Variants in NEDD4L observed in about 807,000 individuals in gnomAD.
The protein encoded by NEDD4L is E3 ubiquitin-protein ligase NEDD4-like.
Under a neutral mutation model 148.9 loss-of-function variants are expected in NEDD4L, and 54 were observed. That is an observed-to-expected ratio of 0.36 (90% CI 0.29 to 0.45). The LOEUF (loss-of-function observed/expected upper bound fraction) is 0.45. Ranked by LOEUF, NEDD4L falls within the 20% of genes least tolerant of loss-of-function variation. NEDD4L has a pLI of 1.00. For missense variants in NEDD4L, 856 were observed against 1,233.8 expected, an observed-to-expected ratio of 0.69 and a Z score of 4.59; for synonymous variants, 433 against 440.7, an observed-to-expected ratio of 0.98 and a Z score of 0.22.
At position 58,360,124 on chromosome 18, in the gene NEDD4L, T is replaced by C. The variant is rs146190192; in HGVS notation, c.1767+2872T>C. 2.0e-4 allele frequency: 31 copies of C among 152,368 alleles called. 1 individual carries two copies. The highest frequency in any genetic ancestry group is 7.2e-4 in the African/African-American group (30 of 41,588). The allele number at this position is 152,368 out of a possible 1,614,324, so 9.4% of individuals were successfully genotyped here. A position where few individuals can be genotyped will look rare whatever the true frequency, so the allele number is the denominator to read the frequency against. On this transcript the variant is annotated intron_variant, in intron 19 of 30. Transcript: ENST00000400345. The stretch of plus-strand genomic sequence containing the variant: ...GGCTCTGTTCTCTAGTGATTTTGAA[T>C]TTTTATTTGTGTCTTAGATGTTTTA...
intron 3 of NEDD4L, among the ~76,000 whole-genome samples, chr18:58,245,846 A>ATTTTT (rs58940181): frequency 2.6e-4 from 24 of 91,520 alleles, no homozygotes; most frequent in South Asian, 4.0e-4. Context: ...ATGCCTGGCT[A>ATTTTT]TTTTTTTTTT....
rs925390639 is a variant in NEDD4L at position 58,378,487 on chromosome 18, G to A, written c.2353-4759G>A. On this transcript the variant is annotated intron_variant, in intron 24 of 30. Transcript: ENST00000400345. Reference sequence around the variant, plus strand: ...GGAGCTGGAGGTGGCTCCCAGGAGCGCTGAGGCCCCGGCCCCTTCAGGCCA... The same window carrying A: ...GGAGCTGGAGGTGGCTCCCAGGAGCACTGAGGCCCCGGCCCCTTCAGGCCA... Among the ~76,000 whole-genome samples the A allele has an allele frequency of 2.6e-5, 4 of 152,328 alleles. No individual in the cohort carries two copies. The South Asian group carries it at 6.2e-4, about 24-fold the overall frequency.
At chr18:58,312,004 G>T (rs2057755015) in intron 5 of NEDD4L, among the ~76,000 whole-genome samples, 1 of 152,230 alleles carries the variant, frequency 6.6e-6, no homozygotes. Context: ...TTTTAAATGG[G>T]AGGGTGGCAG....
At chr18:58,071,625 A>C (rs1280733224) in intron 1 of NEDD4L, among the ~76,000 whole-genome samples, 3 of 152,214 alleles carry the variant, frequency 2.0e-5, no homozygotes, top group Admixed American at 2.0e-4. Context: ...AGGGAAAAAG[A>C]AGGTATACTG....
intron 1 of NEDD4L, among the ~76,000 whole-genome samples, chr18:58,154,747 C>T (rs913805143): frequency 6.6e-6 from 1 of 152,212 alleles, no homozygotes; most frequent in African/African-American, 2.4e-5. Context: ...AAGATCATGC[C>T]GTTGCACTCC....
intron 5 of NEDD4L, among the ~76,000 whole-genome samples, chr18:58,279,570 G>A (rs988012859): frequency 6.6e-6 from 1 of 152,244 alleles, no homozygotes; most frequent in Non-Finnish European, 1.5e-5. Flanking sequence ...GAAGTGTGTT[G>A]AAGCAGGTAT....
intron 5 of NEDD4L, among the ~76,000 whole-genome samples, chr18:58,297,579 C>T (rs1370698719): frequency 6.6e-6 from 1 of 152,080 alleles, no homozygotes; most frequent in African/African-American, 2.4e-5. Context: ...CCCTTATCTC[C>T]CAAATAGGAG....
intron 2 of NEDD4L, among the ~76,000 whole-genome samples, chr18:58,230,110 T>C (rs1045092122): frequency 6.6e-6 from 1 of 152,190 alleles, no homozygotes; most frequent in Non-Finnish European, 1.5e-5. Context: ...ACAAAAATTA[T>C]AATGGTGCAT....
intron 2 of NEDD4L, among the ~76,000 whole-genome samples, chr18:58,202,445 G>A (rs949954535): frequency 2.6e-5 from 4 of 152,278 alleles, no homozygotes; most frequent in Non-Finnish European, 2.9e-5. Flanking sequence ...CCCCAGAGGG[G>A]CTGAGATAGA....
intron 5 of NEDD4L, among the ~76,000 whole-genome samples, chr18:58,302,680 T>C (rs1389056612): frequency 1.3e-5 from 2 of 152,246 alleles, no homozygotes; most frequent in Non-Finnish European, 2.9e-5. Flanking sequence ...CCCTGACATC[T>C]GAGATATGTA....
chr18:58,272,655 C>T (rs1185184156), intron 5 of NEDD4L, among the ~76,000 whole-genome samples: 4 of 151,930 alleles, frequency 2.6e-5, no homozygotes, highest in African/African-American at 4.8e-5. Context: ...AAATTAATCC[C>T]GACCTTCCTC....
At chr18:58,302,593 A>G (rs903595681) in intron 5 of NEDD4L, among the ~76,000 whole-genome samples, 3 of 152,346 alleles carry the variant, frequency 2.0e-5, no homozygotes, top group South Asian at 2.1e-4. Flanking sequence ...TACTACTCCT[A>G]TTTCTCAACA....
intron 9 of NEDD4L, among the ~76,000 whole-genome samples, chr18:58,326,046 A>G (rs986424443): frequency 5.9e-5 from 9 of 152,162 alleles, no homozygotes; most frequent in Non-Finnish European, 1.0e-4. Flanking sequence ...TTTCTTGTCT[A>G]CTCGAACTCT....
intron 6 of NEDD4L, among the ~76,000 whole-genome samples, chr18:58,320,208 G>A (rs2058654273): frequency 6.6e-6 from 1 of 152,118 alleles, no homozygotes; most frequent in African/African-American, 2.4e-5. Flanking sequence ...TGATCCTGTA[G>A]GCTTTGTCAT....
At chr18:58,132,611 A>G (rs576703222) in intron 1 of NEDD4L, among the ~76,000 whole-genome samples, 1 of 152,220 alleles carries the variant, frequency 6.6e-6, no homozygotes, top group Non-Finnish European at 1.5e-5. Flanking sequence ...ATAATAGGAC[A>G]TAGAGTTGCC....
intron 3 of NEDD4L, 83 bp from the exon 4 acceptor site, chr18:58,248,816 A>C (rs1339591464): frequency 2.8e-6 from 2 of 703,452 alleles, no homozygotes; most frequent in Non-Finnish European, 4.8e-6. Flanking sequence ...AAAAATGTTT[A>C]AGCAAATATG....
chr18:58,156,602 C>T (rs1006952239), intron 1 of NEDD4L, among the ~76,000 whole-genome samples: 4 of 152,130 alleles, frequency 2.6e-5, no homozygotes, highest in South Asian at 2.1e-4. Context: ...TACCCCCCAC[C>T]GCCTCCCACG....
intron 1 of NEDD4L, among the ~76,000 whole-genome samples, chr18:58,066,113 A>G (rs2082575369): frequency 6.6e-6 from 1 of 152,230 alleles, no homozygotes; most frequent in South Asian, 2.1e-4. Flanking sequence ...GGATTTTTGT[A>G]CAGTAGAAAT....
chr18:58,113,717 C>T (rs1404676650), intron 1 of NEDD4L, among the ~76,000 whole-genome samples: 2 of 152,040 alleles, frequency 1.3e-5, no homozygotes, highest in Non-Finnish European at 1.5e-5. Context: ...GGTGCTATGT[C>T]ATTGAAGGGT....
Sources: allele counts gnomAD v4.1 joint callset (sites outside exome capture counted in the v4.1 genomes callset), GRCh38; gene constraint gnomAD v4.1.1; transcripts MANE v1.5; gene names NCBI Gene and HGNC (gene_info 2026-07-23, HGNC 2026-07-21).